GATA4: variants seen among roughly 807,000 people sequenced by gnomAD.
GATA4 encodes transcription factor GATA-4.
In GATA4, 7 loss-of-function variants were observed where a neutral mutation model predicts 37.9. The observed-to-expected ratio is 0.18, with a 90% CI of 0.11 to 0.35. The LOEUF (loss-of-function observed/expected upper bound fraction) is 0.35. Among genes scored for constraint, GATA4 ranks in the 10% least tolerant of loss-of-function variants. The probability of loss-of-function intolerance (pLI) is 1.00; values close to 1 mark genes in which losing one functional copy is unlikely to be tolerated. For missense variants in GATA4, 647 were observed against 653.0 expected (o/e 0.99, Z 0.10); for synonymous variants, 372 against 292.6 (o/e 1.27, Z -2.77).
chr8:11,727,664 G>A lies in GATA4; in HGVS notation c.616+18736G>A, dbSNP rs944046217. ...TCGAGACCAGACTGGGCAACATGAT[G>A]AAACCCTGTCTCTACTAAAAATACA... On this transcript the variant is annotated intron_variant, in intron 2 of 6. Coordinates refer to ENST00000532059, the MANE Select transcript of GATA4 (RefSeq NM_001308093.3). Among the ~76,000 whole-genome samples, 3 of 151,988 alleles carry A rather than the reference G, an allele frequency of 2.0e-5. No individual in the cohort carries two copies. In the East Asian group the frequency reaches 5.8e-4, roughly 29 times the overall value.
At chr8:11,748,469 AT>A (rs1284612471) in intron 2 of GATA4, among the ~76,000 whole-genome samples, 1 of 152,126 alleles carries the variant, frequency 6.6e-6, no homozygotes, top group Non-Finnish European at 1.5e-5. Context: ...GACAATCTGG[AT>A]TTTCTTTATA....
At chr8:11,695,494 T>C (rs1007936009) in intron 1 of GATA4, among the ~76,000 whole-genome samples, 1 of 152,232 alleles carries the variant, frequency 6.6e-6, no homozygotes, top group African/African-American at 2.4e-5. Flanking sequence ...CATGTTTCAC[T>C]GACTGCTTTT....
At chr8:11,691,760 A>G (rs1299968457), upstream of GATA4, among the ~76,000 whole-genome samples, 2 of 152,018 alleles carry the variant, frequency 1.3e-5, no homozygotes, top group Non-Finnish European at 2.9e-5. Flanking sequence ...TTCGCTCTAC[A>G]CTGACACTCA....
At chr8:11,716,312 CT>C (rs907626595) in intron 2 of GATA4, among the ~76,000 whole-genome samples, 11 of 148,540 alleles carry the variant, frequency 7.4e-5, no homozygotes, top group East Asian at 2.0e-4. Flanking sequence ...GCATCTTTTT[CT>C]TTTTTTTTTA....
intron 2 of GATA4, among the ~76,000 whole-genome samples, chr8:11,735,852 C>G (rs1252272883): frequency 6.6e-6 from 1 of 152,060 alleles, no homozygotes; most frequent in Non-Finnish European, 1.5e-5. Flanking sequence ...TGAGCCACCG[C>G]GCCTAGCTGA....
rs939487134 is a variant in GATA4, at chr8:11,681,501, G to T, written c.-274+4438G>T. 95 of 965,042 alleles carry T rather than the reference G, an allele frequency of 9.8e-5. No homozygotes were observed. In the Admixed American group the frequency reaches 1.5e-3, roughly 16 times the overall value. The allele number at this position is 965,042 out of a possible 1,614,324, so 59.8% of individuals were successfully genotyped here. A position where few individuals can be genotyped will look rare whatever the true frequency, so the allele number is the denominator to read the frequency against. ...CGGGGTGCGGCGCTCGCGGGGGGGG[G>T]GGGGGGGATGGGGTCGGTCCCTCTC... On this transcript the variant is annotated intron_variant, in intron 1 of 6. Coordinates refer to the GATA4 transcript ENST00000528712.
chr8:11,732,103 C>G (rs186440526), intron 2 of GATA4, among the ~76,000 whole-genome samples: 8 of 152,310 alleles, frequency 5.3e-5, no homozygotes, highest in Admixed American at 5.2e-4. Context: ...TTATAATCTG[C>G]ATTAAAATTT....
At chr8:11,688,983 C>T (rs145774469), upstream of GATA4, among the ~76,000 whole-genome samples, 197 of 152,292 alleles carry the variant, frequency 1.3e-3, 1 homozygote, top group African/African-American at 3.8e-3. Context: ...TCAGAAAGGT[C>T]GGTTTACCTT....
At chr8:11,682,718 A>G (rs4284012) in intron 1 of GATA4, among the ~76,000 whole-genome samples, 68,706 of 152,160 alleles carry the variant, frequency 0.45, 19,385 homozygotes, top group Non-Finnish European at 0.62. Context: ...CTCCTCTGCA[A>G]TGATTGCAGA....
intron 1 of GATA4, chr8:11,697,959 T>G (rs1439779515): frequency 1.0e-6 from 1 of 985,292 alleles, no homozygotes; most frequent in Non-Finnish European, 1.2e-6. Flanking sequence ...CTGGCGGCGC[T>G]CCAGCCGCGG....
chr8:11,745,023 C>A (rs1178105891), intron 2 of GATA4, among the ~76,000 whole-genome samples: 1 of 152,212 alleles, frequency 6.6e-6, no homozygotes, highest in East Asian at 1.9e-4. Flanking sequence ...CTCCTAGCTC[C>A]TGTGACATCT....
intron 2 of GATA4, among the ~76,000 whole-genome samples, chr8:11,727,911 T>G (rs925776255): frequency 3.0e-4 from 45 of 152,194 alleles, no homozygotes; most frequent in African/African-American, 1.1e-3. Flanking sequence ...TGGAAACTAC[T>G]CCATAGAGGC....
chr8:11,724,079 C>T (rs1340858561), intron 2 of GATA4, among the ~76,000 whole-genome samples: 2 of 152,118 alleles, frequency 1.3e-5, no homozygotes, highest in Non-Finnish European at 2.9e-5. Context: ...GTGACGGGCT[C>T]GTTTCCTTTG....
intron 2 of GATA4, among the ~76,000 whole-genome samples, chr8:11,731,327 G>A (rs1227426911): frequency 1.3e-5 from 2 of 152,276 alleles, no homozygotes; most frequent in South Asian, 2.1e-4. Context: ...AAAGGTGGAA[G>A]TAGCCTAGGT....
At chr8:11,710,223 G>C (rs998813689) in intron 2 of GATA4, among the ~76,000 whole-genome samples, 1 of 152,140 alleles carries the variant, frequency 6.6e-6, no homozygotes, top group African/African-American at 2.4e-5. Flanking sequence ...GCCGAGGCCC[G>C]GTCTGTGGCT....
rs61277615 is a variant in GATA4 at position 11,704,219 on chromosome 8, C to T, written c.-543C>T. The stretch of plus-strand genomic sequence containing the variant: ...CGCGAGCTGGGGACTTGGAGGCGGC[C>T]GGCGCAGGGGCCGCGAGAGGCTTCG... On this transcript the variant is annotated 5_prime_UTR_variant, in exon 1 of 7. Coordinates refer to ENST00000532059, the MANE Select transcript of GATA4 (RefSeq NM_001308093.3). 26,030 of 152,340 alleles carry T rather than the reference C, an allele frequency of 0.17. 3,315 individuals carry two copies. Among genetic ancestry groups the T allele is most frequent in the African/African-American group, 0.36 (14,906 of 41,540 alleles). 9.4% of individuals were successfully genotyped at this position (152,340 alleles called of 1,614,324 possible). A position where few individuals can be genotyped will look rare whatever the true frequency, so the allele number is the denominator to read the frequency against.
At chr8:11,684,069 C>G (rs565084632) in intron 1 of GATA4, among the ~76,000 whole-genome samples, 11 of 152,386 alleles carry the variant, frequency 7.2e-5, no homozygotes, top group Admixed American at 7.2e-4. Flanking sequence ...TCAGCCATAA[C>G]TGGCTGGCCA....
At chr8:11,716,989 G>T (rs1437838867) in intron 2 of GATA4, among the ~76,000 whole-genome samples, 2 of 152,200 alleles carry the variant, frequency 1.3e-5, no homozygotes, top group African/African-American at 2.4e-5. Context: ...CAACTTTTCT[G>T]ACATCTGAAA....
upstream of GATA4, among the ~76,000 whole-genome samples, chr8:11,699,167 G>C (rs969665221): frequency 9.9e-5 from 15 of 152,140 alleles, no homozygotes; most frequent in African/African-American, 3.1e-4. Flanking sequence ...GTAGAAGGGA[G>C]GTGATCGGTG....
Sources: gnomAD v4.1 joint callset for allele counts (sites outside exome capture counted in the v4.1 genomes callset) on GRCh38, gnomAD v4.1.1 for gene constraint, MANE v1.5 for transcripts, NCBI Gene and HGNC (gene_info 2026-07-23, HGNC 2026-07-21) for gene names.